TMEM176A: variants seen among roughly 807,000 people sequenced by gnomAD.
TMEM176A encodes the protein hepatocellular carcinoma-associated antigen 112.
TMEM176A carries 20 observed loss-of-function variants against 27.9 expected under a neutral mutation model. The ratio of observed to expected loss-of-function variants is 0.72; its 90% CI spans 0.50 to 1.04. TMEM176A has a LOEUF of 1.04. TMEM176A is among the 50% of genes least tolerant of loss of function. TMEM176A has a pLI of 0.00. For synonymous variants in TMEM176A, 125 were observed against 118.0 expected (o/e 1.06, Z -0.38); for missense variants, 252 against 289.1 (o/e 0.87, Z 0.93).
chr7:150,803,417 T>C lies in TMEM176A; in HGVS notation c.303T>C (p.Ala101=), dbSNP rs1408080799. The C allele has an allele frequency of 3.8e-6, 6 of 1,592,910 alleles. No homozygotes were observed. The East Asian group carries it at 1.3e-4, about 36-fold the overall frequency. ...CTCCCCAGGCTGTGCTGGCTGGAGC[T>C]GCTGCCTTCATTTACGAGAAACGGG... ...WTGAVAVLAG[A]AAFIYEKRGG... is the part of the protein sequence containing the mutation. The change falls in exon 4 of 7, where the codon GCT becomes GCC. Residue 101 remains alanine, a synonymous_variant. Coordinates refer to ENST00000004103, the MANE Select transcript of TMEM176A (RefSeq NM_018487.3).
At chr7:150,801,796 C>T in intron 2 of TMEM176A, 72 bp downstream of exon 2, 1 of 1,364,092 alleles carries the variant, frequency 7.3e-7, no homozygotes, top group Admixed American at 2.9e-5. Flanking sequence ...GCACTCTCTG[C>T]CAGCCTCCCT....
intron 6 of TMEM176A, 111 bp downstream of exon 6, chr7:150,804,583 C>G (rs1798884407): frequency 9.9e-7 from 1 of 1,009,266 alleles, no homozygotes; most frequent in African/African-American, 1.6e-5. Context: ...TGACCCAAGT[C>G]CCACCTATTA....
rs144414851 is a variant in TMEM176A, at chr7:150,804,420, C to A, written c.614C>A (p.Ala205Glu). 100 of 1,614,192 alleles carry A rather than the reference C, an allele frequency of 6.2e-5. No homozygotes were observed. The African/African-American group carries it at 1.2e-3, about 20-fold the overall frequency. The change falls in exon 6 of 7, where the codon GCA becomes GAA. Residue 205 changes from alanine (A) to glutamate (E), a missense_variant. Coordinates refer to ENST00000004103, the MANE Select transcript of TMEM176A (RefSeq NM_018487.3). ...LLGVWILLLL[A>E]SLTPLWLYCW... ...GGTGTCTGGATTCTGCTGCTTCTGG[C>A]ATCTCTGACCCCTCTGTGGCTGTAC...
In TMEM176A at chr7:150,803,711, C is replaced by T; in HGVS notation, c.434C>T (p.Ser145Phe). 2 of 1,614,214 alleles carry T rather than the reference C, an allele frequency of 1.2e-6. No individual in the cohort carries two copies. Among genetic ancestry groups the T allele is most frequent in the Non-Finnish European group, 1.7e-6 (2 of 1,180,056 alleles). The change falls in exon 5 of 7, where the codon TCT (serine) becomes TTT (phenylalanine). Residue 145 changes from serine to phenylalanine, a missense_variant. Physicochemically the swap from Ser to Phe is radical, Grantham distance 155 (BLOSUM62 -2). Coordinates refer to ENST00000004103, the MANE Select transcript of TMEM176A (RefSeq NM_018487.3). ...LWNEDFRYGY[S>F]YYNSACRISS... is the part of the protein sequence containing the mutation. The stretch of plus-strand genomic sequence containing the variant: ...AATGAAGATTTCCGATATGGCTACT[C>T]TTATTACAACAGTGCCTGCCGCATC...
In TMEM176A at chr7:150,803,423, C is replaced by T; in HGVS notation, c.309C>T (p.Ala103=). Reference sequence around the variant, plus strand: ...AGGCTGTGCTGGCTGGAGCTGCTGCCTTCATTTACGAGAAACGGGGTGGTA... The same window carrying T: ...AGGCTGTGCTGGCTGGAGCTGCTGCTTTCATTTACGAGAAACGGGGTGGTA... The part of the protein sequence containing the change: ...GAVAVLAGAA[A]FIYEKRGGTY... The change falls in exon 4 of 7, where the codon GCC becomes GCT. Residue 103 remains alanine (A), a synonymous_variant. Coordinates refer to ENST00000004103, the MANE Select transcript of TMEM176A (RefSeq NM_018487.3). 1.3e-6 allele frequency: 2 copies of T among 1,595,018 alleles called. No individual in the cohort carries two copies. The highest frequency in any genetic ancestry group is 1.3e-5 in the African/African-American group (1 of 74,404).
intron 5 of TMEM176A, among the ~76,000 whole-genome samples, chr7:150,804,123 G>C (rs1198634687): frequency 2.0e-5 from 3 of 152,204 alleles, no homozygotes; most frequent in African/African-American, 7.2e-5. Flanking sequence ...CTGAAGTCTT[G>C]GAGGTTATCA....
chr7:150,801,443 T>G, intron 1 of TMEM176A, 93 bp from the exon 2 acceptor site: 3 of 1,338,562 alleles, frequency 2.2e-6, no homozygotes, highest in Non-Finnish European at 3.1e-6. Context: ...TGGGTGACTT[T>G]GAGCCACCAC....
intron 1 of TMEM176A, 183 bp from the exon 2 acceptor site, chr7:150,801,353 T>C (rs1160512299): frequency 4.1e-6 from 2 of 485,722 alleles, no homozygotes; most frequent in African/African-American, 6.4e-5. Context: ...AGTTCCAGCA[T>C]GGTCAGCACC....
intron 2 of TMEM176A, 95 bp from the exon 3 acceptor site, chr7:150,802,120 C>G (rs909464351): frequency 3.5e-6 from 3 of 854,758 alleles, no homozygotes; most frequent in South Asian, 1.4e-5. Flanking sequence ...TTCTCTCTCT[C>G]TCTACCTCTC....
At chr7:150,801,827 G>C in intron 2 of TMEM176A, 103 bp downstream of exon 2, 1 of 1,143,090 alleles carries the variant, frequency 8.7e-7, no homozygotes, top group Non-Finnish European at 1.2e-6. Context: ...CACCGAGCCA[G>C]TTATGTCTTC....
rs1242473114 is a variant in TMEM176A, at chr7:150,803,094, C to T, written c.286-306C>T. 17 of 1,074,846 alleles carry T rather than the reference C, an allele frequency of 1.6e-5. No homozygotes were observed. The South Asian group carries it at 6.3e-4, about 40-fold the overall frequency. The allele number at this position is 1,074,846 out of a possible 1,614,324, so 66.6% of individuals were successfully genotyped here. A position where few individuals can be genotyped will look rare whatever the true frequency, so the allele number is the denominator to read the frequency against. ...CCCATGACTTTTATCCACAGGATCC[C>T]ACCATCCCTAGAACTTTCATAAAGC... On this transcript the variant is annotated intron_variant, in intron 3 of 6. Transcript: ENST00000004103.
At position 150,801,563 on chromosome 7, in the gene TMEM176A, G is replaced by A. The variant is rs1798787880; in HGVS notation, c.13G>A (p.Asp5Asn). The A allele has an allele frequency of 1.9e-6, 3 of 1,602,502 alleles. No individual in the cohort carries two copies. Among genetic ancestry groups the A allele is most frequent in the South Asian group, 2.2e-5 (2 of 89,212 alleles). The stretch of plus-strand genomic sequence containing the variant: ...TGTGTCCCTGACAATGGGAACAGCC[G>A]ACAGTGATGAGATGGCCCCGGAGGC... The part of the protein sequence containing the change: MGTA[D>N]SDEMAPEAPQ... The change falls in exon 2 of 7, where the codon GAC (aspartate) becomes AAC (asparagine). Residue 5 changes from aspartate (D) to asparagine (N), a missense_variant. Physicochemically the swap from Asp to Asn is conservative, Grantham distance 23 (BLOSUM62 1). Coordinates refer to ENST00000004103, the MANE Select transcript of TMEM176A (RefSeq NM_018487.3).
In TMEM176A at chr7:150,801,736, G is replaced by C. The variant is rs751484244; in HGVS notation, c.174+12G>C. ...TGGTGGCCTCGTGGGTGAGTGTGACGGCCTGCCTCGTCGGGCGGCGGGAGG... is the reference window on the plus strand; with the variant it reads ...TGGTGGCCTCGTGGGTGAGTGTGACCGCCTGCCTCGTCGGGCGGCGGGAGG... On this transcript the variant is annotated intron_variant, in intron 2 of 6. Coordinates refer to ENST00000004103, the MANE Select transcript of TMEM176A (RefSeq NM_018487.3). The C allele has an allele frequency of 1.3e-6, 2 of 1,499,386 alleles. No individual in the cohort carries two copies. The highest frequency in any genetic ancestry group is 1.3e-5 in the South Asian group (1 of 76,674). 92.9% of individuals were successfully genotyped at this position (1,499,386 alleles called of 1,614,324 possible).
chr7:150,801,531 C>T lies in TMEM176A; in HGVS notation c.-15-5C>T, dbSNP rs1188209579. 10 of 1,581,722 alleles carry T rather than the reference C, an allele frequency of 6.3e-6. No individual in the cohort carries two copies. The highest frequency in any genetic ancestry group is 8.6e-6 in the Non-Finnish European group (10 of 1,168,450). On this transcript the variant is annotated splice_region_variant and splice_polypyrimidine_tract_variant and intron_variant, in intron 1 of 6. Coordinates refer to ENST00000004103, the MANE Select transcript of TMEM176A (RefSeq NM_018487.3). ...CGTTCCTCTCTGGTGCTCCCTTCCT[C>T]ATAGACTGTGTCCCTGACAATGGGA...
At chr7:150,801,106 C>T (rs189750707) in intron 1 of TMEM176A, 141 of 525,464 alleles carry the variant, frequency 2.7e-4, no homozygotes, top group Admixed American at 3.2e-4. Flanking sequence ...GTATCCGGAG[C>T]GCAGCCGGGG....
chr7:150,802,992 A>G (rs935449207), intron 3 of TMEM176A: 18 of 991,440 alleles, frequency 1.8e-5, no homozygotes, highest in Non-Finnish European at 1.8e-5. Flanking sequence ...ATTATTGGGC[A>G]CTGTTAGGAC....
rs747527995 is a variant in TMEM176A at position 150,801,755 on chromosome 7, C to A, written c.174+31C>A. ...TGTGACGGCCTGCCTCGTCGGGCGG[C>A]GGGAGGAACTCCCCACCTCCAGCCG... is the stretch of plus-strand genomic sequence containing the variant. On this transcript the variant is annotated intron_variant, in intron 2 of 6. Coordinates refer to ENST00000004103, the MANE Select transcript of TMEM176A (RefSeq NM_018487.3). 4 of 1,465,296 alleles carry A rather than the reference C, an allele frequency of 2.7e-6. No homozygotes were observed. The South Asian group carries it at 5.6e-5, about 21-fold the overall frequency. The allele number at this position is 1,465,296 out of a possible 1,614,324, so 90.8% of individuals were successfully genotyped here. A position where few individuals can be genotyped will look rare whatever the true frequency, so the allele number is the denominator to read the frequency against.
chr7:150,803,256 A>C, intron 3 of TMEM176A, 144 bp from the exon 4 acceptor site: 1 of 1,385,756 alleles, frequency 7.2e-7, no homozygotes, highest in Non-Finnish European at 9.4e-7. Context: ...CCTCTCAGCA[A>C]TTATCTTACC....
intron 4 of TMEM176A, 70 bp from the exon 5 acceptor site, chr7:150,803,550 T>C: frequency 6.3e-7 from 1 of 1,586,878 alleles, no homozygotes; most frequent in Non-Finnish European, 8.6e-7. Flanking sequence ...GGCCTTGCCC[T>C]TTTTTCCCCC....
Sources: allele counts gnomAD v4.1 joint callset (sites outside exome capture counted in the v4.1 genomes callset), GRCh38; gene constraint gnomAD v4.1.1; transcripts MANE v1.5; gene names NCBI Gene and HGNC (gene_info 2026-07-23, HGNC 2026-07-21).